Variants in RFC3 observed in about 807,000 individuals in gnomAD.
RFC3 encodes the protein A1 38 kDa subunit.
A neutral mutation model predicts 45.1 loss-of-function variants in RFC3; 41 were observed. That is an observed-to-expected ratio of 0.91 (90% CI 0.71 to 1.18). The LOEUF (loss-of-function observed/expected upper bound fraction) is 1.18. Among genes scored for constraint, RFC3 ranks in the 50% most tolerant of loss-of-function variants. The pLI, the probability that RFC3 is intolerant of heterozygous loss-of-function variation, is 0.00. For missense variants in RFC3, 423 were observed against 428.1 expected, an observed-to-expected ratio of 0.99 and a Z score of 0.10; for synonymous variants, 149 against 144.0, an observed-to-expected ratio of 1.03 and a Z score of -0.25.
chr13:33,945,967 T>G lies in RFC3; in HGVS notation c.880-20120T>G, dbSNP rs574664168. Among the ~76,000 whole-genome samples, 7 of 152,334 alleles carry G rather than the reference T, an allele frequency of 4.6e-5. No homozygotes were observed. In the East Asian group the frequency reaches 9.6e-4, roughly 21 times the overall value. On this transcript the variant is annotated intron_variant, in intron 8 of 8. Transcript: ENST00000434425. The stretch of plus-strand genomic sequence containing the variant: ...GTTTCTTTGTGATATGCCTTTTGCT[T>G]TCTGATCTTACTGCCATCACTTGAG...
intron 8 of RFC3, among the ~76,000 whole-genome samples, chr13:33,864,667 C>T (rs1210300497): frequency 2.0e-5 from 3 of 151,812 alleles, no homozygotes; most frequent in East Asian, 1.9e-4. Flanking sequence ...CCAGTAGTCT[C>T]GAGTTTTCAA....
chr13:33,940,746 CAATAGTTTAGAAACCTTAT>C (rs1240142327), intron 8 of RFC3, among the ~76,000 whole-genome samples: 2 of 152,288 alleles, frequency 1.3e-5, no homozygotes, highest in South Asian at 2.1e-4. Flanking sequence ...TGAAACCTTA[CAATAGTTTAGAAACCTTAT>C]AATAGTTTAG....
At chr13:33,946,706 T>G (rs1239384127) in intron 8 of RFC3, among the ~76,000 whole-genome samples, 4 of 152,202 alleles carry the variant, frequency 2.6e-5, no homozygotes, top group Non-Finnish European at 5.9e-5. Flanking sequence ...ATGAAGTGTA[T>G]GAAGAAAATC....
At chr13:33,823,786 A>G (rs2082024639) in intron 2 of RFC3, 131 bp from the exon 3 acceptor site, 1 of 527,576 alleles carries the variant, frequency 1.9e-6, no homozygotes, top group Non-Finnish European at 3.4e-6. Context: ...TGGGATTAAC[A>G]AAGTTAAAAC....
intron 7 of RFC3, 47 bp from the exon 8 acceptor site, chr13:33,835,101 T>C: frequency 2.4e-6 from 3 of 1,266,648 alleles, no homozygotes; most frequent in South Asian, 2.6e-5. Flanking sequence ...TTGGAAAAAT[T>C]ACCTCTTATT....
intron 2 of RFC3, among the ~76,000 whole-genome samples, chr13:33,822,251 A>G (rs1348491267): frequency 6.6e-6 from 1 of 152,224 alleles, no homozygotes; most frequent in Non-Finnish European, 1.5e-5. Flanking sequence ...ATAGAGGGAC[A>G]ATAAACAGCC....
chr13:33,943,577 T>C (rs1019509519), intron 8 of RFC3, among the ~76,000 whole-genome samples: 7 of 152,280 alleles, frequency 4.6e-5, no homozygotes, highest in Admixed American at 4.6e-4. Flanking sequence ...TGTGCATGTG[T>C]TCAAATATCA....
Position 33,836,631 on chromosome 13 carries a change from C to A in RFC3, c.*336C>A. ...TAAAGGAGATTTACACATTAGAAAG[C>A]AAAGATTATTTTCATTTATCCAGAT... On this transcript the variant is annotated 3_prime_UTR_variant, in exon 9 of 9. Coordinates refer to ENST00000380071, the MANE Select transcript of RFC3 (RefSeq NM_002915.4). 7 of 1,004,742 alleles carry A rather than the reference C, an allele frequency of 7.0e-6. No individual in the cohort carries two copies. The highest frequency in any genetic ancestry group is 8.3e-6 in the Non-Finnish European group (7 of 842,348). 62.2% of individuals were successfully genotyped at this position (1,004,742 alleles called of 1,614,324 possible).
At chr13:33,830,931 G>T in intron 6 of RFC3, 76 bp downstream of exon 6, 2 of 1,346,216 alleles carry the variant, frequency 1.5e-6, no homozygotes, top group South Asian at 1.3e-5. Flanking sequence ...TTTTGTGGAA[G>T]ACAATTTTTC....
downstream of RFC3, among the ~76,000 whole-genome samples, chr13:33,841,045 TACCACCTGAGCTCC>T (rs1461096312): frequency 6.6e-6 from 1 of 152,200 alleles, no homozygotes; most frequent in African/African-American, 2.4e-5. Flanking sequence ...CAGAGACTAT[TACCACCTGAGCTCC>T]ACCACCTGTC....
At chr13:33,825,076 A>T (rs377350470) in intron 3 of RFC3, among the ~76,000 whole-genome samples, 1 of 152,192 alleles carries the variant, frequency 6.6e-6, no homozygotes, top group African/African-American at 2.4e-5. Context: ...CTTCTGAAGC[A>T]TAGATAAGCA....
intron 8 of RFC3, among the ~76,000 whole-genome samples, chr13:33,903,997 G>C (rs1342084227): frequency 6.6e-6 from 1 of 151,998 alleles, no homozygotes. Flanking sequence ...CTGAATTTAT[G>C]TGTGCATGCC....
At chr13:33,867,927 G>C (rs1245509661) in intron 8 of RFC3, among the ~76,000 whole-genome samples, 8 of 152,020 alleles carry the variant, frequency 5.3e-5, no homozygotes, top group Non-Finnish European at 1.0e-4. Context: ...GAGTTTTGTT[G>C]GTTAATTTTA....
chr13:33,888,716 A>G (rs2082543471), intron 8 of RFC3, among the ~76,000 whole-genome samples: 1 of 151,692 alleles, frequency 6.6e-6, no homozygotes, highest in Non-Finnish European at 1.5e-5. Flanking sequence ...GAAAACATTC[A>G]TTGATAGCAA....
At chr13:33,914,099 T>C (rs1170179459) in intron 8 of RFC3, among the ~76,000 whole-genome samples, 1 of 152,110 alleles carries the variant, frequency 6.6e-6, no homozygotes. Flanking sequence ...GTTGTCCTTA[T>C]GATAGTGATA....
chr13:33,933,625 T>C (rs2082866449), intron 8 of RFC3, among the ~76,000 whole-genome samples: 1 of 152,138 alleles, frequency 6.6e-6, no homozygotes, highest in African/African-American at 2.4e-5. Context: ...AGTATTTCAT[T>C]GTTAGTGATG....
chr13:33,859,581 G>C (rs1303831033), intron 8 of RFC3, among the ~76,000 whole-genome samples: 5 of 152,142 alleles, frequency 3.3e-5, no homozygotes, highest in African/African-American at 4.8e-5. Flanking sequence ...AGCAGTGATT[G>C]GGTGGCAGAC....
rs1489518796 is a variant in RFC3 at position 33,925,029 on chromosome 13, T to TAC, written c.880-41056_880-41055dup. Among the ~76,000 whole-genome samples, 5 of 149,774 alleles carry TAC rather than the reference T, an allele frequency of 3.3e-5. No homozygotes were observed. In the East Asian group the frequency reaches 9.8e-4, roughly 29 times the overall value. On this transcript the variant is annotated intron_variant, in intron 8 of 8. Coordinates refer to the RFC3 transcript ENST00000434425. The stretch of plus-strand genomic sequence containing the variant: ...TGTGGTAATCATTTCACTATATATA[T>TAC]ACATATATATAGTGTACATATATAT...
At chr13:33,891,328 T>C (rs2137634688) in intron 8 of RFC3, among the ~76,000 whole-genome samples, 1 of 152,278 alleles carries the variant, frequency 6.6e-6, no homozygotes, top group Non-Finnish European at 1.5e-5. Flanking sequence ...ATATGCAAGG[T>C]TCCCTAAAGG....
Sources: allele counts gnomAD v4.1 joint callset (sites outside exome capture counted in the v4.1 genomes callset), GRCh38; gene constraint gnomAD v4.1.1; transcripts MANE v1.5; gene names NCBI Gene and HGNC (gene_info 2026-07-23, HGNC 2026-07-21).